Variants in ARHGAP17 observed in about 807,000 individuals in gnomAD.
The protein encoded by ARHGAP17 is Rho GTPase activating protein 17.
ARHGAP17 carries 57 observed loss-of-function variants against 99.5 expected under a neutral mutation model. The ratio of observed to expected loss-of-function variants is 0.57; its 90% CI spans 0.46 to 0.71. The LOEUF (loss-of-function observed/expected upper bound fraction) is 0.71. ARHGAP17 is among the 30% of genes least tolerant of loss of function. The probability of loss-of-function intolerance (pLI) is 0.00; values close to 1 mark genes in which losing one functional copy is unlikely to be tolerated. For missense variants in ARHGAP17, 1,000 were observed against 1,122.4 expected (o/e 0.89, Z 1.56); for synonymous variants, 417 against 429.6 (o/e 0.97, Z 0.36).
chr16:25,000,284 T>TG (rs1201077235), intron 1 of ARHGAP17, among the ~76,000 whole-genome samples: 1 of 152,132 alleles, frequency 6.6e-6, no homozygotes, highest in Non-Finnish European at 1.5e-5. Flanking sequence ...TTCTGCTTTG[T>TG]GGGGGAAAGG....
At chr16:24,934,379 A>T (rs986087866) in intron 18 of ARHGAP17, among the ~76,000 whole-genome samples, 1 of 150,646 alleles carries the variant, frequency 6.6e-6, no homozygotes, top group Non-Finnish European at 1.5e-5. Context: ...CCAGGCTTGA[A>T]CTCCTGGCTC....
At chr16:25,007,986 C>T (rs1020877121) in intron 1 of ARHGAP17, among the ~76,000 whole-genome samples, 2 of 152,112 alleles carry the variant, frequency 1.3e-5, no homozygotes, top group East Asian at 1.9e-4. Flanking sequence ...GTCCTATACC[C>T]GCCTCCCATT....
intron 6 of ARHGAP17, among the ~76,000 whole-genome samples, chr16:24,965,791 C>T (rs2052161251): frequency 6.6e-6 from 1 of 152,186 alleles, no homozygotes; most frequent in African/African-American, 2.4e-5. Flanking sequence ...CACTGTCTGC[C>T]TTGTGGAACT....
Position 24,920,152 on chromosome 16 carries a change from T to TC in ARHGAP17, c.2623dup (p.Asp875GlyfsTer38). On this transcript the variant is annotated frameshift_variant, in exon 20 of 20. Transcript: ENST00000289968. LOFTEE classifies it high-confidence loss of function. ...TCTTCACAGGGCAGTGCTCTCGGTATCATTGTCTATATCCAGCAGGATGCG... is the reference window on the plus strand; with the variant it reads ...TCTTCACAGGGCAGTGCTCTCGGTATCCATTGTCTATATCCAGCAGGATGCG... The TC allele has an allele frequency of 6.2e-7, 1 of 1,614,066 alleles. No homozygotes were observed. Among genetic ancestry groups the TC allele is most frequent in the South Asian group, 1.1e-5 (1 of 91,068 alleles).
At chr16:25,015,129 G>A (rs2053750314) in intron 1 of ARHGAP17, 80 bp downstream of exon 1, 3 of 1,182,976 alleles carry the variant, frequency 2.5e-6, no homozygotes, top group Non-Finnish European at 3.1e-6. Flanking sequence ...GCCGGACCGC[G>A]GAGGAGCCGT....
At chr16:24,952,088 GCCTACGTGGTGACTTT>G (rs1400676782) in intron 12 of ARHGAP17, among the ~76,000 whole-genome samples, 185 bp downstream of exon 12, 1 of 152,108 alleles carries the variant, frequency 6.6e-6, no homozygotes, top group Non-Finnish European at 1.5e-5. Flanking sequence ...TTAAACCAAT[GCCTACGTGGTGACTTT>G]CCTACACTAA....
chr16:24,939,571 T>C lies in ARHGAP17; in HGVS notation c.1517A>G (p.Gln506Arg). 6.2e-7 allele frequency: 1 copy of C among 1,606,978 alleles called. No homozygotes were observed. The highest frequency in any genetic ancestry group is 2.2e-5 in the East Asian group (1 of 44,662). ...ESFGVKLMDFQAHRRGGTLNR... is the reference protein window; with the variant it reads ...ESFGVKLMDFRAHRRGGTLNR... ...TAGAGTGCCACCCCGCCGGTGGGCC[T>C]GGAAGTCCATAAGCTTCACACCAAA... Residue 506 changes from glutamine (Q) to arginine (R), a missense_variant, in exon 17 of 20, where the codon CAG becomes CGG. This residue lies in a region of ARHGAP17 where 528 missense variants were observed against 511.4 expected (regional missense o/e 1.03). Transcript: ENST00000289968.
At chr16:24,994,744 C>G (rs1272419230) in intron 1 of ARHGAP17, among the ~76,000 whole-genome samples, 2 of 152,156 alleles carry the variant, frequency 1.3e-5, no homozygotes, top group African/African-American at 4.8e-5. Context: ...CAGGGTTTCC[C>G]ACCTAGGCTC....
intron 19 of ARHGAP17, among the ~76,000 whole-genome samples, chr16:24,922,033 T>C (rs1279649656): frequency 6.6e-6 from 1 of 152,246 alleles, no homozygotes; most frequent in Non-Finnish European, 1.5e-5. Flanking sequence ...ACTTGGATGG[T>C]TGGATGGATG....
chr16:24,965,403 G>A (rs1202793184), intron 6 of ARHGAP17, among the ~76,000 whole-genome samples: 3 of 152,226 alleles, frequency 2.0e-5, no homozygotes, highest in Non-Finnish European at 4.4e-5. Flanking sequence ...CTGGGAGGCA[G>A]AGCTTGCAGT....
intron 3 of ARHGAP17, among the ~76,000 whole-genome samples, chr16:24,971,112 T>G (rs1399126150): frequency 6.6e-6 from 1 of 152,158 alleles, no homozygotes; most frequent in Non-Finnish European, 1.5e-5. Flanking sequence ...TCAAGTGATC[T>G]GCATGCCTCA....
At chr16:25,015,109 G>C (rs2053749797) in intron 1 of ARHGAP17, 100 bp downstream of exon 1, 1 of 1,127,596 alleles carries the variant, frequency 8.9e-7, no homozygotes. Flanking sequence ...CTGCGGCCCA[G>C]CTCAGAGCCG....
chr16:24,985,973 A>G (rs948214482), intron 1 of ARHGAP17, among the ~76,000 whole-genome samples: 1 of 152,130 alleles, frequency 6.6e-6, no homozygotes, highest in Non-Finnish European at 1.5e-5. Flanking sequence ...CTGTGGATAT[A>G]CCATGTTCTA....
At chr16:24,982,982 A>ATATATATATATT (rs1222797881) in intron 1 of ARHGAP17, among the ~76,000 whole-genome samples, 1,762 of 32,428 alleles carry the variant, frequency 0.054, 23 homozygotes, top group South Asian at 0.096. Flanking sequence ...ATATATATAT[A>ATATATATATATT]TATATATATA....
intron 19 of ARHGAP17, among the ~76,000 whole-genome samples, chr16:24,926,971 T>A (rs1014517963): frequency 6.6e-6 from 1 of 152,140 alleles, no homozygotes; most frequent in Non-Finnish European, 1.5e-5. Context: ...TTCTTCTAGA[T>A]AAAAATGATA....
At chr16:24,953,523 C>T (rs751994340) in intron 10 of ARHGAP17, among the ~76,000 whole-genome samples, 1 of 152,108 alleles carries the variant, frequency 6.6e-6, no homozygotes, top group Non-Finnish European at 1.5e-5. Context: ...AAGTGTGTAG[C>T]AACTCCCCCT....
At chr16:24,931,555 T>C in intron 18 of ARHGAP17, 151 bp from the exon 19 acceptor site, 1 of 732,074 alleles carries the variant, frequency 1.4e-6, no homozygotes, top group South Asian at 3.5e-5. Flanking sequence ...CCACACTGTG[T>C]CTTCCTCCCC....
At chr16:25,001,938 G>A (rs780431468) in intron 1 of ARHGAP17, among the ~76,000 whole-genome samples, 23 of 152,076 alleles carry the variant, frequency 1.5e-4, no homozygotes, top group South Asian at 8.3e-4. Flanking sequence ...AAAATTAGCC[G>A]GGCATGGTGG....
At chr16:25,014,049 G>A (rs2053714981) in intron 1 of ARHGAP17, 1 of 152,110 alleles carries the variant, frequency 6.6e-6, no homozygotes, top group South Asian at 2.1e-4. Flanking sequence ...TAATACGGTA[G>A]GGAATCGAAA....
Sources: gnomAD v4.1 joint callset for allele counts (sites outside exome capture counted in the v4.1 genomes callset) on GRCh38, gnomAD v4.1.1 for gene constraint, gnomAD v4.1.1 regional missense constraint, MANE v1.5 for transcripts, NCBI Gene and HGNC (gene_info 2026-07-23, HGNC 2026-07-21) for gene names.